Variants in FGF7 observed in about 807,000 individuals in gnomAD.
FGF7 encodes the protein FGF-7.
FGF7 carries 6 observed loss-of-function variants against 20.5 expected under a neutral mutation model. The ratio of observed to expected loss-of-function variants is 0.29; its 90% CI spans 0.16 to 0.58. The LOEUF (loss-of-function observed/expected upper bound fraction) is 0.58, where lower values mean the gene tolerates loss of function less well. FGF7 is among the 20% of genes least tolerant of loss of function. FGF7 has a pLI of 0.90. For missense variants in FGF7, 144 were observed against 228.8 expected (o/e 0.63, Z 2.39); for synonymous variants, 64 against 74.7 (o/e 0.86, Z 0.74).
chr15:49,439,304 AAGAG>A (rs570653949), intron 2 of FGF7, among the ~76,000 whole-genome samples: 4 of 151,096 alleles, frequency 2.6e-5, no homozygotes, highest in Admixed American at 6.6e-5. Context: ...GGGAGGGAGA[AAGAG>A]AGAGAGAAAG....
chr15:49,465,945 A>G (rs2054230890), intron 2 of FGF7, among the ~76,000 whole-genome samples: 1 of 152,180 alleles, frequency 6.6e-6, no homozygotes, highest in African/African-American at 2.4e-5. Flanking sequence ...CCCTGTACCA[A>G]GTACTGGGGG....
chr15:49,442,543 C>G (rs181297696), intron 2 of FGF7, among the ~76,000 whole-genome samples: 6 of 151,824 alleles, frequency 4.0e-5, no homozygotes, highest in African/African-American at 1.4e-4. Context: ...TATATTACCT[C>G]TTTTCCAATT....
At chr15:49,439,876 A>C (rs552483078) in intron 2 of FGF7, among the ~76,000 whole-genome samples, 1 of 151,802 alleles carries the variant, frequency 6.6e-6, no homozygotes, top group Non-Finnish European at 1.5e-5. Flanking sequence ...TCTGGAAGGA[A>C]GCCATGAGAT....
rs2049932513 is a variant in FGF7, at chr15:49,424,240, T to A, written c.-58T>A. 6.8e-7 allele frequency: 1 copy of A among 1,476,988 alleles called. No individual in the cohort carries two copies. Among genetic ancestry groups the A allele is most frequent in the Non-Finnish European group, 9.3e-7 (1 of 1,070,210 alleles). The allele number at this position is 1,476,988 out of a possible 1,614,324, so 91.5% of individuals were successfully genotyped here. A position where few individuals can be genotyped will look rare whatever the true frequency, so the allele number is the denominator to read the frequency against. On this transcript the variant is annotated 5_prime_UTR_variant, in exon 2 of 4. Transcript: ENST00000267843. ...GAGGTCAATGACCTAGGAGTAACAATCAACTCAAGATTCATTTTCATTATG... is the reference window on the plus strand; with the variant it reads ...GAGGTCAATGACCTAGGAGTAACAAACAACTCAAGATTCATTTTCATTATG...
chr15:49,460,844 ATTGT>A (rs2053727910), intron 2 of FGF7, among the ~76,000 whole-genome samples: 1 of 152,122 alleles, frequency 6.6e-6, no homozygotes, highest in South Asian at 2.1e-4. Context: ...AAAGAAGAAC[ATTGT>A]TTGTTTGATT....
At chr15:49,438,385 G>A (rs532641539) in intron 2 of FGF7, among the ~76,000 whole-genome samples, 1 of 151,610 alleles carries the variant, frequency 6.6e-6, no homozygotes, top group South Asian at 2.1e-4. Flanking sequence ...AAATTAACTC[G>A]TGACAATGAA....
At chr15:49,429,056 T>C (rs2050367650) in intron 2 of FGF7, among the ~76,000 whole-genome samples, 1 of 152,040 alleles carries the variant, frequency 6.6e-6, no homozygotes, top group Non-Finnish European at 1.5e-5. Context: ...CCTCTGAATA[T>C]GGAGATGGTA....
At chr15:49,451,198 C>T (rs76759927) in intron 2 of FGF7, among the ~76,000 whole-genome samples, 10,261 of 151,918 alleles carry the variant, frequency 0.068, 435 homozygotes, top group East Asian at 0.17. Context: ...ATAAATAATA[C>T]GGTCATTTAA....
Position 49,445,160 on chromosome 15 carries a change from G to A in FGF7, c.286+20577G>A, listed in dbSNP as rs1485469262. ...TTTAGATTCAGGGAGTACATGTGTAGGTTTGTTACTTGGGTATATTGTGTG... is the reference window on the plus strand; with the variant it reads ...TTTAGATTCAGGGAGTACATGTGTAAGTTTGTTACTTGGGTATATTGTGTG... On this transcript the variant is annotated intron_variant, in intron 2 of 3. Coordinates refer to ENST00000267843, the MANE Select transcript of FGF7 (RefSeq NM_002009.4). 2.0e-5 allele frequency among the ~76,000 whole-genome samples: 3 copies of A among 151,530 alleles called. No homozygotes were observed. In the East Asian group the frequency reaches 5.8e-4, roughly 29 times the overall value.
intron 3 of FGF7, among the ~76,000 whole-genome samples, chr15:49,483,787 A>G (rs1421554269): frequency 6.6e-6 from 1 of 152,060 alleles, no homozygotes; most frequent in Admixed American, 6.6e-5. Context: ...TTGTATTCCC[A>G]CAGCTAGGCA....
chr15:49,468,544 T>C (rs2054467279), intron 2 of FGF7, among the ~76,000 whole-genome samples: 1 of 152,182 alleles, frequency 6.6e-6, no homozygotes, highest in South Asian at 2.1e-4. Context: ...TTATCAACCA[T>C]ATGTATCATT....
chr15:49,448,036 G>A (rs1161854659), intron 2 of FGF7, among the ~76,000 whole-genome samples: 1 of 151,536 alleles, frequency 6.6e-6, no homozygotes, highest in Non-Finnish European at 1.5e-5. Context: ...TTTAATGTCC[G>A]AGAGCATATA....
At chr15:49,454,410 G>C (rs2053073681) in intron 2 of FGF7, among the ~76,000 whole-genome samples, 1 of 151,922 alleles carries the variant, frequency 6.6e-6, no homozygotes, top group African/African-American at 2.4e-5. Context: ...GTAATAATAA[G>C]AGCCAATATT....
At chr15:49,476,217 G>GT (rs938833498) in intron 2 of FGF7, among the ~76,000 whole-genome samples, 1 of 100,548 alleles carries the variant, frequency 9.9e-6, no homozygotes, top group African/African-American at 3.4e-5. Flanking sequence ...TTGCTGTTTT[G>GT]TTTTTTTGTT....
intron 2 of FGF7, among the ~76,000 whole-genome samples, chr15:49,431,180 C>A (rs1331759541): frequency 6.6e-6 from 1 of 151,806 alleles, no homozygotes; most frequent in East Asian, 1.9e-4. Flanking sequence ...AATATAAACT[C>A]CTTTACTAAA....
At chr15:49,461,672 A>G (rs941033151) in intron 2 of FGF7, among the ~76,000 whole-genome samples, 4 of 152,236 alleles carry the variant, frequency 2.6e-5, no homozygotes, top group Non-Finnish European at 5.9e-5. Context: ...TACATTCTCA[A>G]AGCATCAAAA....
At chr15:49,479,576 A>G (rs2055695936) in intron 2 of FGF7, among the ~76,000 whole-genome samples, 1 of 136,932 alleles carries the variant, frequency 7.3e-6, no homozygotes, top group Non-Finnish European at 1.6e-5. Flanking sequence ...TTTGGAGGGT[A>G]GGATTTCATA....
At chr15:49,483,295 A>AT (rs1351356448) in intron 3 of FGF7, 41 bp downstream of exon 3, 3 of 1,016,680 alleles carry the variant, frequency 3.0e-6, no homozygotes, top group Non-Finnish European at 3.0e-6. Flanking sequence ...TTTAAAACTC[A>AT]TTTTTGTCAA....
intron 2 of FGF7, among the ~76,000 whole-genome samples, chr15:49,447,257 G>C (rs891472972): frequency 2.0e-5 from 3 of 151,576 alleles, no homozygotes; most frequent in African/African-American, 7.3e-5. Context: ...ACTTGTAAGA[G>C]CTTGAGAATA....
Sources: gnomAD v4.1 joint callset for allele counts (sites outside exome capture counted in the v4.1 genomes callset) on GRCh38, gnomAD v4.1.1 for gene constraint, MANE v1.5 for transcripts, NCBI Gene and HGNC (gene_info 2026-07-23, HGNC 2026-07-21) for gene names.